The following RETREG1 variants were observed in gnomAD, a reference collection of about 807,000 sequenced individuals.
RETREG1 encodes the protein family with sequence similarity 134 member B.
RETREG1 carries 44 observed loss-of-function variants against 54.8 expected under a neutral mutation model. The ratio of observed to expected loss-of-function variants is 0.80; its 90% confidence interval spans 0.63 to 1.03. RETREG1 has a LOEUF of 1.03. Ranked by LOEUF, RETREG1 falls within the 50% of genes least tolerant of loss-of-function variation. RETREG1 has a pLI of 0.00. For missense variants in RETREG1, 554 were observed against 605.1 expected (o/e 0.92, Z 0.89); for synonymous variants, 217 against 238.5 (o/e 0.91, Z 0.83).
intron 4 of RETREG1, among the ~76,000 whole-genome samples, chr5:16,481,922 G>A (rs1195474381): frequency 6.6e-6 from 1 of 151,942 alleles, no homozygotes; most frequent in East Asian, 1.9e-4. Flanking sequence ...TTTAAACAGT[G>A]ATAGTAAATT....
chr5:16,511,472 C>T (rs1379698228), intron 3 of RETREG1, among the ~76,000 whole-genome samples: 2 of 152,142 alleles, frequency 1.3e-5, no homozygotes, highest in Non-Finnish European at 2.9e-5. Context: ...ATATTTTCAA[C>T]TTAGGATGGG....
At chr5:16,491,988 G>T (rs1377682856) in intron 3 of RETREG1, among the ~76,000 whole-genome samples, 1 of 152,118 alleles carries the variant, frequency 6.6e-6, no homozygotes, top group African/African-American at 2.4e-5. Flanking sequence ...TGTGACTTGG[G>T]GATCCCTGGA....
chr5:16,613,822 T>C (rs1363106541), intron 1 of RETREG1, among the ~76,000 whole-genome samples: 1 of 152,138 alleles, frequency 6.6e-6, no homozygotes, highest in Non-Finnish European at 1.5e-5. Flanking sequence ...TATCACATAA[T>C]TTAAGATCAT....
At chr5:16,605,167 C>A (rs1006780530) in intron 1 of RETREG1, among the ~76,000 whole-genome samples, 6 of 152,174 alleles carry the variant, frequency 3.9e-5, no homozygotes, top group African/African-American at 1.4e-4. Flanking sequence ...TCCACTAAAG[C>A]TTACAGCCGG....
chr5:16,553,858 G>A (rs1362733429), intron 3 of RETREG1, among the ~76,000 whole-genome samples: 1 of 152,146 alleles, frequency 6.6e-6, no homozygotes, highest in African/African-American at 2.4e-5. Flanking sequence ...TAGGCCGACA[G>A]ACAGACAGAC....
chr5:16,545,633 T>G (rs1741365251), intron 3 of RETREG1, among the ~76,000 whole-genome samples: 1 of 152,160 alleles, frequency 6.6e-6, no homozygotes. Context: ...GCCCCTCACT[T>G]GACTCCAAGC....
chr5:16,534,043 A>G (rs956886598), intron 3 of RETREG1, among the ~76,000 whole-genome samples: 8 of 152,130 alleles, frequency 5.3e-5, no homozygotes, highest in African/African-American at 1.9e-4. Flanking sequence ...GCACAGACTT[A>G]TAAGTCGGAA....
At chr5:16,568,425 C>T (rs933770902) in intron 2 of RETREG1, among the ~76,000 whole-genome samples, 9 of 152,096 alleles carry the variant, frequency 5.9e-5, no homozygotes, top group African/African-American at 2.2e-4. Flanking sequence ...GTGCCCACCA[C>T]CACGCCCGGC....
Position 16,546,694 on chromosome 5 carries a change from C to T in RETREG1, c.458+19069G>A, listed in dbSNP as rs1008810782. On this transcript the variant is annotated intron_variant, in intron 3 of 8. Transcript: ENST00000306320. ...AGTGTGTACAAAATAAATGTGGTGG[C>T]CTTCTTCAGTCATCCCTCCCCCTCC... is the stretch of plus-strand genomic sequence containing the variant. 1.1e-4 allele frequency among the ~76,000 whole-genome samples: 16 copies of T among 152,202 alleles called. No homozygotes were observed. In the Middle Eastern group the frequency reaches 0.014, roughly 129 times the overall value.
At chr5:16,566,363 CAT>C (rs1407408782) in intron 2 of RETREG1, among the ~76,000 whole-genome samples, 1 of 134,560 alleles carries the variant, frequency 7.4e-6, no homozygotes, top group Non-Finnish European at 1.7e-5. Flanking sequence ...CAATATAAAA[CAT>C]AAAATACACA....
intron 3 of RETREG1, among the ~76,000 whole-genome samples, chr5:16,546,292 C>T (rs546597024): frequency 3.2e-4 from 48 of 152,262 alleles, no homozygotes; most frequent in African/African-American, 1.2e-3. Context: ...CCCAGCCTCC[C>T]AAGCAGCTGG....
chr5:16,518,722 C>T (rs1474058182), intron 3 of RETREG1, among the ~76,000 whole-genome samples: 2 of 152,150 alleles, frequency 1.3e-5, no homozygotes, highest in African/African-American at 4.8e-5. Context: ...GATTTTTGCT[C>T]AAGTCAGAGC....
At chr5:16,574,104 A>T (rs915749444) in intron 1 of RETREG1, among the ~76,000 whole-genome samples, 1 of 152,134 alleles carries the variant, frequency 6.6e-6, no homozygotes, top group Non-Finnish European at 1.5e-5. Flanking sequence ...TGCAACTCAG[A>T]TGAAAATAGA....
intron 3 of RETREG1, among the ~76,000 whole-genome samples, chr5:16,489,648 A>C (rs920085751): frequency 6.6e-6 from 1 of 152,238 alleles, no homozygotes; most frequent in African/African-American, 2.4e-5. Context: ...GTGAATGTAC[A>C]TTAACTGTCA....
intron 3 of RETREG1, among the ~76,000 whole-genome samples, chr5:16,539,576 G>A (rs1449167463): frequency 1.3e-5 from 2 of 151,970 alleles, no homozygotes; most frequent in Non-Finnish European, 2.9e-5. Flanking sequence ...CTCTCCTCCC[G>A]CCCAGCTCCC....
chr5:16,609,701 GAA>G (rs1427565617), intron 1 of RETREG1, among the ~76,000 whole-genome samples: 1 of 152,172 alleles, frequency 6.6e-6, no homozygotes, highest in Non-Finnish European at 1.5e-5. Context: ...CTCAGCCGGG[GAA>G]GAGAAGACTC....
intron 6 of RETREG1, among the ~76,000 whole-genome samples, chr5:16,478,397 CAG>C (rs1738630227): frequency 6.6e-6 from 1 of 152,154 alleles, no homozygotes; most frequent in African/African-American, 2.4e-5. Flanking sequence ...CCTACTGAAT[CAG>C]AAACTCTGGG....
intron 3 of RETREG1, among the ~76,000 whole-genome samples, chr5:16,495,084 C>T (rs1739401182): frequency 6.6e-6 from 1 of 152,156 alleles, no homozygotes; most frequent in Non-Finnish European, 1.5e-5. Context: ...AAACTCTGAA[C>T]TTAAAGAGTG....
chr5:16,518,382 G>A (rs1740428208), intron 3 of RETREG1, among the ~76,000 whole-genome samples: 1 of 151,372 alleles, frequency 6.6e-6, no homozygotes, highest in Non-Finnish European at 1.5e-5. Context: ...GAGAGGATGG[G>A]TGAAGGGAAG....
Sources: allele counts gnomAD v4.1 joint callset (sites outside exome capture counted in the v4.1 genomes callset), GRCh38; gene constraint gnomAD v4.1.1; transcripts MANE v1.5; gene names NCBI Gene and HGNC (gene_info 2026-07-23, HGNC 2026-07-21).